NOL4: variants seen among roughly 807,000 people sequenced by gnomAD.
The protein encoded by NOL4 is nucleolar protein 4.
NOL4 carries 17 observed loss-of-function variants against 75.9 expected under a neutral mutation model. The observed-to-expected ratio is 0.22, with a 90% CI of 0.15 to 0.34. NOL4 has a LOEUF of 0.34. Among genes scored for constraint, NOL4 ranks in the 10% least tolerant of loss-of-function variants. The probability of loss-of-function intolerance (pLI) is 1.00; values close to 1 mark genes in which losing one functional copy is unlikely to be tolerated. For missense variants in NOL4, 614 were observed against 793.5 expected, an observed-to-expected ratio of 0.77 and a Z score of 2.72; for synonymous variants, 292 against 289.9, an observed-to-expected ratio of 1.01 and a Z score of -0.07.
At chr18:34,045,742 C>A (rs2085882432) in intron 5 of NOL4, among the ~76,000 whole-genome samples, 1 of 152,198 alleles carries the variant, frequency 6.6e-6, no homozygotes, top group Middle Eastern at 3.4e-3. Context: ...GAAATTGTTG[C>A]TATTTAACAG....
At chr18:34,194,453 AAGGAAGGCAGGC>A (rs1400030460) in intron 1 of NOL4, among the ~76,000 whole-genome samples, 25 of 147,152 alleles carry the variant, frequency 1.7e-4, no homozygotes, top group East Asian at 1.2e-3. Context: ...GGAAGGAAGG[AAGGAAGGCAGGC>A]AGGCAGGCAG....
At chr18:34,179,093 G>A (rs151150034) in intron 1 of NOL4, among the ~76,000 whole-genome samples, 2 of 151,580 alleles carry the variant, frequency 1.3e-5, no homozygotes, top group Non-Finnish European at 3.0e-5. Flanking sequence ...CAAAACTAAT[G>A]AGTCAAAGAA....
Position 34,223,035 on chromosome 18 carries a change from T to G in NOL4, c.219A>C (p.Gly73=). Residue 73 remains glycine (G), a synonymous_variant, in exon 1 of 11, where the codon GGA becomes GGC. Coordinates refer to ENST00000261592, the MANE Select transcript of NOL4 (RefSeq NM_003787.5). ...QLGQPDEVRG[G]GGGAKQVLYV... is the part of the protein sequence containing the mutation. The stretch of plus-strand genomic sequence containing the variant: ...AGAGCACTTGCTTGGCGCCGCCGCC[T>G]CCCCCGCGGACCTCGTCCGGCTGGC... 1 of 1,613,080 alleles carries G rather than the reference T, an allele frequency of 6.2e-7. No homozygotes were observed. The highest frequency in any genetic ancestry group is 8.5e-7 in the Non-Finnish European group (1 of 1,179,990).
In NOL4 at chr18:34,166,149, T is replaced by C. The variant is rs545918037; in HGVS notation, c.265-36129A>G. Among the ~76,000 whole-genome samples, 11 of 152,264 alleles carry C rather than the reference T, an allele frequency of 7.2e-5. No individual in the cohort carries two copies. In the East Asian group the frequency reaches 1.9e-3, roughly 27 times the overall value. On this transcript the variant is annotated intron_variant, in intron 1 of 10. Transcript: ENST00000261592. ...TTTTAAATATTCATTAATATTTGTA[T>C]AAGCTTTTCAAATTTTAAAAGCACA... is the stretch of plus-strand genomic sequence containing the variant.
At chr18:34,207,280 T>C (rs190091150) in intron 1 of NOL4, among the ~76,000 whole-genome samples, 2 of 152,282 alleles carry the variant, frequency 1.3e-5, no homozygotes, top group East Asian at 1.9e-4. Context: ...AACCTGAACA[T>C]TTTGAATACT....
At chr18:34,099,578 C>A (rs986993011) in intron 4 of NOL4, among the ~76,000 whole-genome samples, 2 of 152,124 alleles carry the variant, frequency 1.3e-5, no homozygotes, top group East Asian at 3.9e-4. Context: ...TCACTCTCTA[C>A]ACAACAGCTC....
chr18:34,128,309 T>C (rs923042831), intron 2 of NOL4, among the ~76,000 whole-genome samples: 6 of 151,968 alleles, frequency 3.9e-5, no homozygotes, highest in African/African-American at 1.4e-4. Flanking sequence ...TATTTTGGTT[T>C]TTGTTTTTAT....
intron 1 of NOL4, among the ~76,000 whole-genome samples, chr18:34,206,395 A>T (rs920373981): frequency 6.6e-6 from 1 of 152,174 alleles, no homozygotes; most frequent in African/African-American, 2.4e-5. Context: ...TTGTAATATC[A>T]TATCTATTCA....
intron 9 of NOL4, among the ~76,000 whole-genome samples, chr18:33,884,764 T>C (rs1258515033): frequency 6.6e-6 from 1 of 152,142 alleles, no homozygotes; most frequent in Non-Finnish European, 1.5e-5. Flanking sequence ...AATACATTTT[T>C]TGTGGCCCCA....
At chr18:34,118,894 GATAAAGAC>G (rs1194181378) in intron 2 of NOL4, among the ~76,000 whole-genome samples, 1 of 152,124 alleles carries the variant, frequency 6.6e-6, no homozygotes, top group Non-Finnish European at 1.5e-5. Context: ...GTCTTGCAAA[GATAAAGAC>G]ATTTTCAACT....
At chr18:33,873,473 G>C (rs1301966366) in intron 10 of NOL4, among the ~76,000 whole-genome samples, 2 of 151,944 alleles carry the variant, frequency 1.3e-5, no homozygotes, top group African/African-American at 4.8e-5. Context: ...TTTCAAAGCA[G>C]AATTTATGTA....
intron 5 of NOL4, among the ~76,000 whole-genome samples, chr18:34,061,657 T>G (rs907605938): frequency 2.6e-5 from 4 of 152,092 alleles, no homozygotes; most frequent in Non-Finnish European, 5.9e-5. Context: ...TCCACACTGG[T>G]GGAGTAATAA....
At chr18:34,073,989 T>G (rs2077635157) in intron 5 of NOL4, among the ~76,000 whole-genome samples, 1 of 151,706 alleles carries the variant, frequency 6.6e-6, no homozygotes, top group African/African-American at 2.4e-5. Context: ...CAATATATAA[T>G]GTCTAACTAA....
intron 8 of NOL4, among the ~76,000 whole-genome samples, chr18:33,951,573 T>A (rs2069227888): frequency 6.6e-6 from 1 of 152,134 alleles, no homozygotes; most frequent in Non-Finnish European, 1.5e-5. Flanking sequence ...TTTATTGTAA[T>A]TTCTCCTCTG....
intron 10 of NOL4, among the ~76,000 whole-genome samples, chr18:33,868,307 T>C (rs1160983184): frequency 6.6e-6 from 1 of 151,894 alleles, no homozygotes; most frequent in African/African-American, 2.4e-5. Context: ...GCTAGGATTA[T>C]AGGTGTGAGC....
At chr18:34,093,444 T>C in intron 5 of NOL4, 21 bp downstream of exon 5, 1 of 1,548,372 alleles carries the variant, frequency 6.5e-7, no homozygotes, top group Non-Finnish European at 8.7e-7. Flanking sequence ...TTTGCTTATT[T>C]AGTCAAACTG....
At chr18:33,908,615 A>G (rs1409452288) in intron 9 of NOL4, among the ~76,000 whole-genome samples, 2 of 152,152 alleles carry the variant, frequency 1.3e-5, no homozygotes, top group Non-Finnish European at 2.9e-5. Flanking sequence ...TAGTGTAAAG[A>G]TTGCCCATCT....
chr18:33,888,797 T>C (rs138531791), intron 9 of NOL4, among the ~76,000 whole-genome samples: 128 of 152,270 alleles, frequency 8.4e-4, no homozygotes, highest in African/African-American at 3.0e-3. Flanking sequence ...TTGGTACTAA[T>C]ACCATGCTGT....
intron 9 of NOL4, among the ~76,000 whole-genome samples, chr18:33,890,977 A>G (rs1270484707): frequency 1.3e-5 from 2 of 151,864 alleles, no homozygotes; most frequent in South Asian, 4.1e-4. Flanking sequence ...ACTATCCATC[A>G]AACTTTCATA....
Sources: gnomAD v4.1 joint callset for allele counts (sites outside exome capture counted in the v4.1 genomes callset) on GRCh38, gnomAD v4.1.1 for gene constraint, MANE v1.5 for transcripts, NCBI Gene and HGNC (gene_info 2026-07-23, HGNC 2026-07-21) for gene names.